Variants in OXNAD1 observed in about 807,000 individuals in gnomAD.
OXNAD1 encodes the protein oxidoreductase NAD-binding domain-containing protein 1.
Under a neutral mutation model 32.9 loss-of-function variants are expected in OXNAD1, and 34 were observed. The observed-to-expected ratio is 1.03, with a 90% CI of 0.79 to 1.38. The LOEUF (loss-of-function observed/expected upper bound fraction) is 1.38, where lower values mean the gene tolerates loss of function less well. OXNAD1 is among the 40% of genes most tolerant of loss of function. The pLI is 0.00. For synonymous variants in OXNAD1, 134 were observed against 135.2 expected (o/e 0.99, Z 0.06); for missense variants, 407 against 379.4 (o/e 1.07, Z -0.60).
At position 16,345,836 on chromosome 3, in the gene OXNAD1, ACG is replaced by A. The variant is rs1491500683; in HGVS notation, c.*31-3336_*31-3335del. ...TGTGTGTGCGCGCGCGCGTGCGCGCACGCGCACATGTGCATGTGTATGTGTAT... is the reference window on the plus strand; with the variant it reads ...TGTGTGTGCGCGCGCGCGTGCGCGCACGCACATGTGCATGTGTATGTGTAT... On this transcript the variant is annotated intron_variant, in intron 9 of 9. Transcript: ENST00000606098. This position sits in a 1 kb window ranked among gnomAD's most constrained non-coding sequence, Gnocchi z 5.2. Among the ~76,000 whole-genome samples the A allele has an allele frequency of 0.079, 5,050 of 63,646 alleles. 306 individuals are homozygous for A. Among genetic ancestry groups the A allele is most frequent in the African/African-American group, 0.2 (4,713 of 23,544 alleles). 41.8% of individuals were successfully genotyped at this position (63,646 alleles called of 152,430 possible). A position where few individuals can be genotyped will look rare whatever the true frequency, so the allele number is the denominator to read the frequency against.
At chr3:16,347,265 C>T (rs115704127) in intron 9 of OXNAD1, among the ~76,000 whole-genome samples, 4,560 of 152,318 alleles carry the variant, frequency 0.03, 100 homozygotes, top group Middle Eastern at 0.082. Context: ...CAGGGCAACC[C>T]TGGAGAGACG....
rs951716790 is a variant in OXNAD1 at position 16,327,342 on chromosome 3, G to C, written c.*31-9770G>C. On this transcript the variant is annotated intron_variant, in intron 9 of 9. Transcript: ENST00000435829. The surrounding 1 kb of genome is among the most constrained non-coding windows in gnomAD (Gnocchi z 4.2). ...GCAACACACACATGCACATCCACAT[G>C]TGTGTGTACACGCAGAAGCTGCTTT... Among the ~76,000 whole-genome samples the C allele has an allele frequency of 2.6e-5, 4 of 152,200 alleles. No individual in the cohort carries two copies. Among genetic ancestry groups the C allele is most frequent in the African/African-American group, 9.6e-5 (4 of 41,464 alleles).
chr3:16,271,606 T>A lies in OXNAD1; in HGVS notation c.120-53T>A, dbSNP rs967484277. 4 of 1,365,640 alleles carry A rather than the reference T, an allele frequency of 2.9e-6. No homozygotes were observed. The African/African-American group carries it at 6.1e-5, about 21-fold the overall frequency. The allele number at this position is 1,365,640 out of a possible 1,614,324, so 84.6% of individuals were successfully genotyped here. A position where few individuals can be genotyped will look rare whatever the true frequency, so the allele number is the denominator to read the frequency against. ...ATGATATTTCAGGAAAAACTAATTT[T>A]ATTATTTTTATGAGGATAATATGTA... On this transcript the variant is annotated intron_variant, in intron 3 of 8. Coordinates refer to ENST00000285083, the MANE Select transcript of OXNAD1 (RefSeq NM_138381.5). The surrounding 1 kb of genome is among the most constrained non-coding windows in gnomAD (Gnocchi z 4.6).
At chr3:16,282,973 C>G (rs1048601598) in intron 4 of OXNAD1, among the ~76,000 whole-genome samples, 1 of 151,502 alleles carries the variant, frequency 6.6e-6, no homozygotes, top group Non-Finnish European at 1.5e-5. Context: ...GGTAGTAGTT[C>G]AAGTGAGAAG....
chr3:16,284,436 A>G lies in OXNAD1; in HGVS notation c.184-1906A>G, dbSNP rs149280425. Among the ~76,000 whole-genome samples, 2 of 152,332 alleles carry G rather than the reference A, an allele frequency of 1.3e-5. No homozygotes were observed. Among genetic ancestry groups the G allele is most frequent in the African/African-American group, 4.8e-5 (2 of 41,572 alleles). ...GATAGCCTACTACACACTTAGGCTAAATGGTATAGCCTATTGTTCCTAGAG... is the reference window on the plus strand; with the variant it reads ...GATAGCCTACTACACACTTAGGCTAGATGGTATAGCCTATTGTTCCTAGAG... On this transcript the variant is annotated intron_variant, in intron 4 of 8. Transcript: ENST00000285083. This position sits in a 1 kb window ranked among gnomAD's most constrained non-coding sequence, Gnocchi z 4.1.
In OXNAD1 at chr3:16,329,247, G is replaced by A. The variant is rs543859800; in HGVS notation, c.*31-7865G>A. On this transcript the variant is annotated intron_variant, in intron 9 of 9. Transcript: ENST00000435829. The surrounding 1 kb of genome is among the most constrained non-coding windows in gnomAD (Gnocchi z 4.5). ...CGACCTTGGACTTCCCAGCCTCCAG[G>A]ACCAGGAGCCAAGAACTGTCTGTCC... 6.6e-6 allele frequency among the ~76,000 whole-genome samples: 1 copy of A among 152,338 alleles called. No homozygotes were observed. Among genetic ancestry groups the A allele is most frequent in the African/African-American group, 2.4e-5 (1 of 41,586 alleles).
At position 16,271,760 on chromosome 3, in the gene OXNAD1, G is replaced by T. The variant is rs369143366; in HGVS notation, c.183+38G>T. The T allele has an allele frequency of 1.9e-6, 3 of 1,567,694 alleles. No individual in the cohort carries two copies. Among genetic ancestry groups the T allele is most frequent in the South Asian group, 1.2e-5 (1 of 86,690 alleles). Reference sequence around the variant, plus strand: ...GGGGTATGACAGGTTTTTCCAGCTAGACCGTTTACATGTGGTTATGACTGG... The same window carrying T: ...GGGGTATGACAGGTTTTTCCAGCTATACCGTTTACATGTGGTTATGACTGG... On this transcript the variant is annotated intron_variant, in intron 4 of 8. Coordinates refer to ENST00000285083, the MANE Select transcript of OXNAD1 (RefSeq NM_138381.5). This position sits in a 1 kb window ranked among gnomAD's most constrained non-coding sequence, Gnocchi z 4.6.
chr3:16,290,807 C>A lies in OXNAD1; in HGVS notation c.291-4049C>A, dbSNP rs1024574074. ...ATGACTGGAAATGTAAGGCCATAGA[C>A]TGCAGGAGAATATTTTTTTAAGGTC... On this transcript the variant is annotated intron_variant, in intron 5 of 8. Coordinates refer to ENST00000285083, the MANE Select transcript of OXNAD1 (RefSeq NM_138381.5). This position sits in a 1 kb window ranked among gnomAD's most constrained non-coding sequence, Gnocchi z 4.2. Among the ~76,000 whole-genome samples the A allele has an allele frequency of 2.0e-5, 3 of 152,152 alleles. No individual in the cohort carries two copies. The highest frequency in any genetic ancestry group is 7.2e-5 in the African/African-American group (3 of 41,428).
chr3:16,267,277 C>T (rs1384237467), intron 1 of OXNAD1, among the ~76,000 whole-genome samples: 2 of 152,182 alleles, frequency 1.3e-5, no homozygotes, highest in East Asian at 1.9e-4. Context: ...CCTGCTTCCA[C>T]TCCTGCCCCT....
chr3:16,278,116 A>G (rs1300288439), intron 4 of OXNAD1, among the ~76,000 whole-genome samples: 1 of 152,032 alleles, frequency 6.6e-6, no homozygotes, highest in East Asian at 1.9e-4. Flanking sequence ...TTACTAATTC[A>G]TATGCATTCA....
intron 4 of OXNAD1, among the ~76,000 whole-genome samples, chr3:16,279,449 G>A (rs1474948226): frequency 6.6e-6 from 1 of 152,092 alleles, no homozygotes; most frequent in Non-Finnish European, 1.5e-5. Flanking sequence ...TTCCCTGTTG[G>A]CTGTGTTAAA....
At chr3:16,310,607 C>G (rs1327747440), downstream of OXNAD1, among the ~76,000 whole-genome samples, 1 of 152,168 alleles carries the variant, frequency 6.6e-6, no homozygotes, top group Non-Finnish European at 1.5e-5. Context: ...ACTCTTTCTT[C>G]AAGACCCAGT....
Position 16,269,120 on chromosome 3 carries a change from T to C in OXNAD1, c.-158-6T>C. 2 of 1,473,766 alleles carry C rather than the reference T, an allele frequency of 1.4e-6. No individual in the cohort carries two copies. Among genetic ancestry groups the C allele is most frequent in the Non-Finnish European group, 1.8e-6 (2 of 1,119,830 alleles). The allele number at this position is 1,473,766 out of a possible 1,614,324, so 91.3% of individuals were successfully genotyped here. On this transcript the variant is annotated splice_region_variant and splice_polypyrimidine_tract_variant and intron_variant, in intron 1 of 8. Coordinates refer to ENST00000285083, the MANE Select transcript of OXNAD1 (RefSeq NM_138381.5). ...ACATTGTTATATGTTGTTTGTGCCA[T>C]TGCAGGAACTTTGTGAGAATTTTAA...
At position 16,289,339 on chromosome 3, in the gene OXNAD1, C is replaced by T. The variant is rs1289940087; in HGVS notation, c.290+2891C>T. ...ACCATGTCACCACTGATGCCCCAGT[C>T]AGTACTCAATCCACACTTGGCTGGG... On this transcript the variant is annotated intron_variant, in intron 5 of 8. Coordinates refer to ENST00000285083, the MANE Select transcript of OXNAD1 (RefSeq NM_138381.5). This position sits in a 1 kb window ranked among gnomAD's most constrained non-coding sequence, Gnocchi z 4.9. Among the ~76,000 whole-genome samples the T allele has an allele frequency of 6.6e-6, 1 of 152,106 alleles. No individual in the cohort carries two copies. The highest frequency in any genetic ancestry group is 1.5e-5 in the Non-Finnish European group (1 of 68,010).
At chr3:16,307,276 G>A (rs1344315361), downstream of OXNAD1, among the ~76,000 whole-genome samples, 1 of 152,166 alleles carries the variant, frequency 6.6e-6, no homozygotes, top group East Asian at 1.9e-4. Flanking sequence ...CTTGTTTTAG[G>A]TCGCCCCTGC....
rs899231266 is a variant in OXNAD1 at position 16,312,839 on chromosome 3, A to G, written c.*30+9247A>G. On this transcript the variant is annotated intron_variant, in intron 9 of 9. Coordinates refer to the OXNAD1 transcript ENST00000435829. The surrounding 1 kb of genome is among the most constrained non-coding windows in gnomAD (Gnocchi z 4.7). ...TCAGCAACTCTAGTGAAGCATGGTC[A>G]ACCTGGAGATCTGAAAAAATCTGAC... 6.6e-6 allele frequency among the ~76,000 whole-genome samples: 1 copy of G among 152,048 alleles called. No individual in the cohort carries two copies. Among genetic ancestry groups the G allele is most frequent in the Non-Finnish European group, 1.5e-5 (1 of 67,934 alleles).
In OXNAD1 at chr3:16,271,243, G is replaced by A. The variant is rs901116807; in HGVS notation, c.119+172G>A. The A allele has an allele frequency of 2.2e-4, 169 of 771,624 alleles. No homozygotes were observed. The highest frequency in any genetic ancestry group is 1.8e-3 in the African/African-American group (105 of 57,166). 47.8% of individuals were successfully genotyped at this position (771,624 alleles called of 1,614,324 possible). A position where few individuals can be genotyped will look rare whatever the true frequency, so the allele number is the denominator to read the frequency against. ...GTCTGAGATGGAGTCTTGCTCCGTC[G>A]CCTGGGCTGGAGTGCAGTGGCACGA... On this transcript the variant is annotated intron_variant, in intron 3 of 8. Transcript: ENST00000285083. The surrounding 1 kb of genome is among the most constrained non-coding windows in gnomAD (Gnocchi z 4.6).
intron 2 of OXNAD1, 54 bp downstream of exon 2, chr3:16,269,329 C>G: frequency 6.6e-7 from 1 of 1,510,518 alleles, no homozygotes. Context: ...TGACTTAGAA[C>G]ATTTAATGGA....
chr3:16,282,249 GCAAA>G (rs1239955537), intron 4 of OXNAD1, among the ~76,000 whole-genome samples: 1 of 151,252 alleles, frequency 6.6e-6, no homozygotes, highest in African/African-American at 2.4e-5. Flanking sequence ...AGAATGTGTG[GCAAA>G]CAAAGGAAAA....
Sources: gnomAD v4.1 joint callset for allele counts (sites outside exome capture counted in the v4.1 genomes callset) on GRCh38, gnomAD v4.1.1 for gene constraint, Gnocchi (gnomAD v3.1) non-coding constraint, MANE v1.5 for transcripts, NCBI Gene and HGNC (gene_info 2026-07-23, HGNC 2026-07-21) for gene names.